ATP2C2: variants seen among roughly 807,000 people sequenced by gnomAD.
ATP2C2 encodes the protein ATPase secretory pathway Ca2+ transporting 2.
A neutral mutation model predicts 110.8 loss-of-function variants in ATP2C2; 171 were observed. The observed-to-expected ratio is 1.54, with a 90% confidence interval of 1.36 to 1.75. The LOEUF is 1.75. Among genes scored for constraint, ATP2C2 ranks in the 40% most tolerant of loss-of-function variants. ATP2C2 has a pLI of 0.00. For synonymous variants in ATP2C2, 804 were observed against 508.4 expected, an observed-to-expected ratio of 1.58 and a Z score of -7.82; for missense variants, 1,963 against 1,235.0, an observed-to-expected ratio of 1.59 and a Z score of -8.84.
chr16:84,432,593 C>T (rs981028850), intron 11 of ATP2C2, among the ~76,000 whole-genome samples: 1 of 151,916 alleles, frequency 6.6e-6, no homozygotes, highest in Admixed American at 6.6e-5. Context: ...TGATCTTGGC[C>T]CACTGCCACC....
chr16:84,428,930 T>A (rs1908020035), intron 11 of ATP2C2, among the ~76,000 whole-genome samples: 1 of 152,230 alleles, frequency 6.6e-6, no homozygotes. Flanking sequence ...GCAGTGGTGC[T>A]GTACAGGTGT....
rs1204883003 is a variant in ATP2C2 at position 84,461,773 on chromosome 16, G to C, written c.2541G>C (p.Val847=). 6.2e-7 allele frequency: 1 copy of C among 1,614,082 alleles called. No homozygotes were observed. Among genetic ancestry groups the C allele is most frequent in the Non-Finnish European group, 8.5e-7 (1 of 1,180,030 alleles). Residue 847 remains valine, a synonymous_variant, in exon 25 of 27, where the codon GTG becomes GTC. Transcript: ENST00000262429. ...RTTTMTFTCF[V]FFDLFNALTC... ...CGACGATGACGTTCACTTGTTTTGT[G>C]TTTTTCGATCTCTTCAACGCCTTGA...
chr16:84,449,826 C>T (rs1054513964), intron 17 of ATP2C2, among the ~76,000 whole-genome samples: 2 of 152,220 alleles, frequency 1.3e-5, no homozygotes, highest in Non-Finnish European at 1.5e-5. Flanking sequence ...CCTCTGCTGA[C>T]GAAATGGCTC....
At position 84,446,200 on chromosome 16, in the gene ATP2C2, A is replaced by G. The variant is rs763592478; in HGVS notation, c.1402-129A>G. 2.3e-5 allele frequency: 10 copies of G among 432,548 alleles called. No homozygotes were observed. In the South Asian group the frequency reaches 5.0e-4, roughly 22 times the overall value. 26.8% of individuals were successfully genotyped at this position (432,548 alleles called of 1,614,324 possible). A position where few individuals can be genotyped will look rare whatever the true frequency, so the allele number is the denominator to read the frequency against. On this transcript the variant is annotated intron_variant, in intron 15 of 26. Coordinates refer to ENST00000262429, the MANE Select transcript of ATP2C2 (RefSeq NM_014861.4). ...TTCCAAGAGAAATGGCCTTTTTTCT[A>G]TGTGCTAAATGCTTGGATTTCTTAT...
intron 11 of ATP2C2, among the ~76,000 whole-genome samples, chr16:84,432,007 C>T (rs986854873): frequency 6.6e-6 from 1 of 152,074 alleles, no homozygotes. Context: ...GCTGAGGTCT[C>T]CCGCCGAGCT....
At chr16:84,434,988 T>C (rs1908612432) in intron 11 of ATP2C2, among the ~76,000 whole-genome samples, 1 of 152,232 alleles carries the variant, frequency 6.6e-6, no homozygotes, top group Non-Finnish European at 1.5e-5. Context: ...AACGAAGCCT[T>C]CTGGCTGTCA....
chr16:84,440,787 G>A, intron 13 of ATP2C2, 70 bp from the exon 14 acceptor site: 1 of 1,207,548 alleles, frequency 8.3e-7, no homozygotes, highest in Non-Finnish European at 1.2e-6. Flanking sequence ...CCAGGACAGA[G>A]ATTGTGGGCC....
chr16:84,427,649 G>A (rs1907917829), intron 11 of ATP2C2, among the ~76,000 whole-genome samples: 1 of 152,146 alleles, frequency 6.6e-6, no homozygotes, highest in African/African-American at 2.4e-5. Context: ...CCCGGGAGGT[G>A]GAGTTTGCAG....
chr16:84,396,526 G>A (rs1296144345), intron 1 of ATP2C2, among the ~76,000 whole-genome samples: 1 of 148,140 alleles, frequency 6.8e-6, no homozygotes. Context: ...CTCCAGCCTG[G>A]GTGACAGAGT....
intron 3 of ATP2C2, 101 bp from the exon 4 acceptor site, chr16:84,408,304 C>T: frequency 2.6e-6 from 3 of 1,134,030 alleles, no homozygotes; most frequent in African/African-American, 1.5e-5. Flanking sequence ...GAAGCCTGGC[C>T]CTGAACTGAG....
At position 84,441,494 on chromosome 16, in the gene ATP2C2, G is replaced by C. The variant is rs1199332776; in HGVS notation, c.1311+536G>C. ...TCCGAGCTGTACTCACCCTTTCACAGGGGCTCCCTCCTCCCCATGTAGCAG... is the reference window on the plus strand; with the variant it reads ...TCCGAGCTGTACTCACCCTTTCACACGGGCTCCCTCCTCCCCATGTAGCAG... On this transcript the variant is annotated intron_variant, in intron 14 of 26. Transcript: ENST00000262429. Among the ~76,000 whole-genome samples the C allele has an allele frequency of 2.6e-5, 4 of 152,288 alleles. No individual in the cohort carries two copies. In the East Asian group the frequency reaches 7.7e-4, roughly 29 times the overall value.
chr16:84,419,450 C>T (rs1574587), intron 7 of ATP2C2, among the ~76,000 whole-genome samples: 19,384 of 152,172 alleles, frequency 0.13, 1,419 homozygotes, highest in South Asian at 0.27. Flanking sequence ...GGGCCCACCC[C>T]GGTCACGCAG....
intron 11 of ATP2C2, among the ~76,000 whole-genome samples, chr16:84,429,299 G>A (rs532267330): frequency 3.0e-4 from 45 of 152,118 alleles, no homozygotes; most frequent in African/African-American, 6.0e-4. Flanking sequence ...TTATAGGGGC[G>A]CACCACCACA....
rs577582019 is a variant in ATP2C2, at chr16:84,425,895, T to A, written c.986+94T>A. The A allele has an allele frequency of 6.8e-6, 10 of 1,464,396 alleles. No individual in the cohort carries two copies. The East Asian group carries it at 2.3e-4, about 33-fold the overall frequency. The allele number at this position is 1,464,396 out of a possible 1,614,324, so 90.7% of individuals were successfully genotyped here. ...AAGAGAAGGTGGGGAGGCTGCAGAA[T>A]AGGAAGGGTTGGGAAGGTGCAGCCC... On this transcript the variant is annotated intron_variant, in intron 11 of 26. Coordinates refer to ENST00000262429, the MANE Select transcript of ATP2C2 (RefSeq NM_014861.4).
rs562378114 is a variant in ATP2C2, at chr16:84,428,225, A to T, written c.986+2424A>T. ...TGTACTGGGTCTGGTACATGGTATC[A>T]GGTACCTAGTATCAGGTGTACATGG... is the stretch of plus-strand genomic sequence containing the variant. On this transcript the variant is annotated intron_variant, in intron 11 of 26. Transcript: ENST00000262429. 3.6e-4 allele frequency among the ~76,000 whole-genome samples: 55 copies of T among 152,334 alleles called. No homozygotes were observed. In the South Asian group the frequency reaches 9.3e-3, roughly 26 times the overall value.
Position 84,405,238 on chromosome 16 carries a change from G to A in ATP2C2, c.321G>A (p.Leu107=), listed in dbSNP as rs1023022182. ...GCGAACCTGTGTGGAAGAAATACCT[G>A]GATCAGGTAGGACCAGAGGTGTCAT... The part of the protein sequence containing the change: ...DNSEPVWKKY[L]DQFKNPLILL... The change falls in exon 3 of 27, where the codon CTG becomes CTA. Residue 107 remains leucine, a synonymous_variant. Transcript: ENST00000262429. The A allele has an allele frequency of 6.2e-7, 1 of 1,612,424 alleles. No individual in the cohort carries two copies. The highest frequency in any genetic ancestry group is 2.2e-5 in the East Asian group (1 of 44,854).
chr16:84,459,542 G>C (rs927100146), intron 23 of ATP2C2, 156 bp downstream of exon 23: 6 of 1,540,458 alleles, frequency 3.9e-6, no homozygotes, highest in Middle Eastern at 1.7e-4. Flanking sequence ...GCACTGCAGT[G>C]AGACTGGGAG....
At position 84,453,359 on chromosome 16, in the gene ATP2C2, C is replaced by G; in HGVS notation, c.1968C>G (p.Leu656=). 3 of 1,614,172 alleles carry G rather than the reference C, an allele frequency of 1.9e-6. No homozygotes were observed. The highest frequency in any genetic ancestry group is 2.5e-6 in the Non-Finnish European group (3 of 1,180,026). ...TCAGGACCAGCCCAAAGCACAAGCT[C>G]AAAATCATCAAGGTTCGCTGGGCAA... The part of the protein sequence containing the change: ...VFFRTSPKHK[L]KIIKALQESG... The change falls in exon 20 of 27, where the codon CTC becomes CTG. Residue 656 remains leucine (L), a synonymous_variant. Coordinates refer to ENST00000262429, the MANE Select transcript of ATP2C2 (RefSeq NM_014861.4).
intron 1 of ATP2C2, among the ~76,000 whole-genome samples, chr16:84,382,127 C>T (rs1000861013): frequency 6.6e-6 from 1 of 152,104 alleles, no homozygotes; most frequent in Non-Finnish European, 1.5e-5. Context: ...TAATGCTATC[C>T]CTCCCCTCTC....
Sources: gnomAD v4.1 joint callset for allele counts (sites outside exome capture counted in the v4.1 genomes callset) on GRCh38, gnomAD v4.1.1 for gene constraint, MANE v1.5 for transcripts, NCBI Gene and HGNC (gene_info 2026-07-23, HGNC 2026-07-21) for gene names.